Variants in POLA1 observed in about 807,000 individuals in gnomAD.
POLA1 encodes DNA polymerase alpha catalytic subunit.
POLA1 carries 15 observed loss-of-function variants against 124.0 expected under a neutral mutation model. The observed-to-expected ratio is 0.12, with a 90% CI of 0.08 to 0.19. The LOEUF is 0.19. Ranked by LOEUF, POLA1 falls within the 10% of genes least tolerant of loss-of-function variation. The pLI is 1.00. For synonymous variants in POLA1, 408 were observed against 389.4 expected, an observed-to-expected ratio of 1.05 and a Z score of -0.56; for missense variants, 886 against 1,103.4, an observed-to-expected ratio of 0.80 and a Z score of 2.79.
chrX:24,776,542 A>C (rs933773959), intron 26 of POLA1, among the ~76,000 whole-genome samples: 1 of 112,052 alleles, frequency 8.9e-6, no homozygotes, highest in Non-Finnish European at 1.9e-5. Flanking sequence ...CTGTACTTAA[A>C]TATTTTCTTT....
At chrX:24,786,323 T>C (rs148476660) in intron 26 of POLA1, among the ~76,000 whole-genome samples, 1 of 111,797 alleles carries the variant, frequency 8.9e-6, no homozygotes, top group Non-Finnish European at 1.9e-5. Context: ...CACATCCTTG[T>C]TAACATTTGT....
intron 26 of POLA1, among the ~76,000 whole-genome samples, chrX:24,768,984 A>C (rs942914970): frequency 8.9e-6 from 1 of 112,041 alleles, no homozygotes; most frequent in Non-Finnish European, 1.9e-5. Context: ...CCACCAAGTC[A>C]TGCTATTGCT....
At chrX:24,987,479 T>C (rs2048492100) in intron 36 of POLA1, among the ~76,000 whole-genome samples, 1 of 112,594 alleles carries the variant, frequency 8.9e-6, no homozygotes, top group Non-Finnish European at 1.9e-5. Flanking sequence ...TCTCATAACC[T>C]GTTTGACAGT....
chrX:24,988,766 GACCAGCCTGGTCA>G (rs1167926890), intron 36 of POLA1, among the ~76,000 whole-genome samples: 1 of 111,808 alleles, frequency 8.9e-6, no homozygotes, highest in Non-Finnish European at 1.9e-5. Context: ...AGGAGTTTGA[GACCAGCCTGGTCA>G]ACATGGCAAG....
At chrX:24,883,349 A>G (rs962596962) in intron 34 of POLA1, among the ~76,000 whole-genome samples, 1 of 112,186 alleles carries the variant, frequency 8.9e-6, no homozygotes, top group African/African-American at 3.2e-5. Flanking sequence ...AGGACCTCCT[A>G]TGCTCTACAG....
rs1008077116 is a variant in POLA1, at chrX:24,970,879, A to G, written c.4262-24926A>G. 5.4e-5 allele frequency among the ~76,000 whole-genome samples: 6 copies of G among 111,833 alleles called. 1 individual carries two copies. The highest frequency in any genetic ancestry group is 5.6e-5 in the Non-Finnish European group (3 of 53,219). ...ACTGGACTGAAAGTGAACCTGCCCA[A>G]GAGGGGCCCTCTATCAAATCCTTGC... On this transcript the variant is annotated intron_variant, in intron 36 of 36. Transcript: ENST00000379068.
At chrX:24,957,011 C>G (rs1330717755) in intron 36 of POLA1, among the ~76,000 whole-genome samples, 2 of 111,119 alleles carry the variant, frequency 1.8e-5, no homozygotes, top group Admixed American at 1.9e-4. Flanking sequence ...ACAGACAGGA[C>G]CTGCATATGA....
intron 36 of POLA1, among the ~76,000 whole-genome samples, chrX:24,941,803 C>T (rs950366179): frequency 1.8e-5 from 2 of 112,063 alleles, no homozygotes; most frequent in Admixed American, 9.5e-5. Context: ...CCTGGGAAAC[C>T]CTTCTCTCCT....
At chrX:24,697,174 G>A (rs1928067415) in intron 1 of POLA1, among the ~76,000 whole-genome samples, 2 of 111,380 alleles carry the variant, frequency 1.8e-5, no homozygotes, top group South Asian at 7.5e-4. Context: ...TGTCTTATTT[G>A]TGATTGTACC....
rs11573360 is a variant in POLA1 at position 24,739,262 on chromosome X, A to T, written c.2041-113A>T. On this transcript the variant is annotated intron_variant, in intron 19 of 36. Coordinates refer to ENST00000379068, the MANE Select transcript of POLA1 (RefSeq NM_001330360.2). ...ATGTTCAAAAATATTTGATTGATGT[A>T]TGGAAGAATGAGAGTTTTATCATAA... The T allele has an allele frequency of 8.9e-4, 457 of 511,436 alleles. 2 individuals carry two copies. In the African/African-American group the frequency reaches 9.5e-3, roughly 11 times the overall value. 42.1% of individuals were successfully genotyped at this position (511,436 alleles called of 1,213,427 possible). A position where few individuals can be genotyped will look rare whatever the true frequency, so the allele number is the denominator to read the frequency against.
intron 6 of POLA1, among the ~76,000 whole-genome samples, chrX:24,715,598 G>A (rs1929776931): frequency 8.9e-6 from 1 of 112,079 alleles, no homozygotes; most frequent in Non-Finnish European, 1.9e-5. Flanking sequence ...CCGGCCTGTT[G>A]ACAGAATTTT....
At chrX:24,804,983 C>T (rs995567500) in intron 26 of POLA1, among the ~76,000 whole-genome samples, 1 of 111,736 alleles carries the variant, frequency 8.9e-6, no homozygotes, top group Non-Finnish European at 1.9e-5. Context: ...TGGGTATATT[C>T]ATGAACACAT....
chrX:24,941,798 GA>G (rs917478565), intron 36 of POLA1, among the ~76,000 whole-genome samples: 1 of 112,148 alleles, frequency 8.9e-6, no homozygotes, highest in African/African-American at 3.2e-5. Flanking sequence ...AAGGCCCTGG[GA>G]AACCCTTCTC....
chrX:24,748,491 G>A, intron 25 of POLA1, 31 bp downstream of exon 25: 8 of 1,099,097 alleles, frequency 7.3e-6, no homozygotes, highest in Non-Finnish European at 9.9e-6. Flanking sequence ...ACATTTGAGT[G>A]ACAGTCTCAG....
chrX:24,896,353 C>T (rs752381262), intron 35 of POLA1, among the ~76,000 whole-genome samples: 1 of 112,377 alleles, frequency 8.9e-6, no homozygotes, highest in South Asian at 3.7e-4. Flanking sequence ...GTCCAACCCA[C>T]AGCCCATGGG....
At chrX:24,974,258 A>C (rs2048339321) in intron 36 of POLA1, among the ~76,000 whole-genome samples, 1 of 111,338 alleles carries the variant, frequency 9.0e-6, no homozygotes, top group South Asian at 3.8e-4. Flanking sequence ...GTTGGGGAGA[A>C]GCAGGAGGGA....
intron 36 of POLA1, among the ~76,000 whole-genome samples, chrX:24,971,382 C>G (rs2048300575): frequency 8.9e-6 from 1 of 112,759 alleles, no homozygotes. Flanking sequence ...TTACCTGCTG[C>G]TCATCAAAAC....
intron 36 of POLA1, among the ~76,000 whole-genome samples, chrX:24,960,317 C>G (rs1034059385): frequency 8.9e-6 from 1 of 112,117 alleles, no homozygotes; most frequent in Non-Finnish European, 1.9e-5. Flanking sequence ...CCTTAAGGGA[C>G]AGCTACATTC....
intron 26 of POLA1, among the ~76,000 whole-genome samples, chrX:24,797,587 ATT>A (rs2045630154): frequency 8.9e-6 from 1 of 112,349 alleles, no homozygotes. Flanking sequence ...TGTCTGAATC[ATT>A]CACAGTTGTG....
Sources: allele counts gnomAD v4.1 joint callset (sites outside exome capture counted in the v4.1 genomes callset), GRCh38; gene constraint gnomAD v4.1.1; transcripts MANE v1.5; gene names NCBI Gene and HGNC (gene_info 2026-07-23, HGNC 2026-07-21).